PRTG: variants seen among roughly 807,000 people sequenced by gnomAD.
The protein encoded by PRTG is protogenin.
Under a neutral mutation model 122.5 loss-of-function variants are expected in PRTG, and 67 were observed. The observed-to-expected ratio is 0.55, with a 90% CI of 0.45 to 0.67. The LOEUF (loss-of-function observed/expected upper bound fraction) is 0.67. Ranked by LOEUF, PRTG falls within the 30% of genes least tolerant of loss-of-function variation. PRTG has a pLI of 0.00. For missense variants in PRTG, 1,435 were observed against 1,415.4 expected (o/e 1.01, Z -0.22); for synonymous variants, 554 against 501.1 (o/e 1.11, Z -1.41).
intron 15 of PRTG, among the ~76,000 whole-genome samples, chr15:55,634,131 T>G (rs1438654871): frequency 6.8e-6 from 1 of 147,374 alleles, no homozygotes; most frequent in African/African-American, 2.5e-5. Flanking sequence ...GCAATGGCAT[T>G]ATCTCGGTTC....
rs530446704 is a variant in PRTG at position 55,729,232 on chromosome 15, C to G, written c.397+11150G>C. 3.9e-5 allele frequency among the ~76,000 whole-genome samples: 6 copies of G among 152,160 alleles called. 1 individual carries two copies. Among genetic ancestry groups the G allele is most frequent in the Admixed American group, 1.3e-4 (2 of 15,272 alleles). ...TGATACACGCCACAACGTGGATAAA[C>G]CTTGAAAACATGCTAAGTGTAGGAA... On this transcript the variant is annotated intron_variant, in intron 2 of 19. Transcript: ENST00000389286.
At chr15:55,675,999 G>A (rs1374425333) in intron 8 of PRTG, among the ~76,000 whole-genome samples, 2 of 152,086 alleles carry the variant, frequency 1.3e-5, no homozygotes, top group African/African-American at 2.4e-5. Context: ...TAACACAACA[G>A]AATATTGTAA....
intron 11 of PRTG, among the ~76,000 whole-genome samples, chr15:55,644,648 A>G (rs113153105): frequency 2.0e-5 from 3 of 152,198 alleles, no homozygotes; most frequent in African/African-American, 7.2e-5. Flanking sequence ...AAGCCCCATG[A>G]AAGGAAGAGC....
intron 2 of PRTG, among the ~76,000 whole-genome samples, chr15:55,717,217 T>C (rs2030632881): frequency 6.6e-6 from 1 of 152,150 alleles, no homozygotes; most frequent in Non-Finnish European, 1.5e-5. Flanking sequence ...TAACTAAAAA[T>C]ATAAATGAAA....
Position 55,712,173 on chromosome 15 carries a change from AG to A in PRTG, c.397+28208del, listed in dbSNP as rs2030412669. Among the ~76,000 whole-genome samples, 10 of 152,368 alleles carry A rather than the reference AG, an allele frequency of 6.6e-5. No individual in the cohort carries two copies. The South Asian group carries it at 2.1e-3, about 32-fold the overall frequency. Reference sequence around the variant, plus strand: ...TTAAATAAAGTGAATAAGCTCACATAGAATCTTTTCTTCCTACACTGATAAG... The same window carrying A: ...TTAAATAAAGTGAATAAGCTCACATAAATCTTTTCTTCCTACACTGATAAG... On this transcript the variant is annotated intron_variant, in intron 2 of 19. Coordinates refer to ENST00000389286, the MANE Select transcript of PRTG (RefSeq NM_173814.6).
intron 11 of PRTG, among the ~76,000 whole-genome samples, chr15:55,663,113 C>G (rs1249299291): frequency 1.3e-5 from 2 of 152,302 alleles, no homozygotes; most frequent in East Asian, 3.9e-4. Flanking sequence ...ATTTCTTCCT[C>G]TCCTTAATCA....
chr15:55,628,386 GAA>G (rs35201571), intron 16 of PRTG, among the ~76,000 whole-genome samples: 12,982 of 142,656 alleles, frequency 0.091, 659 homozygotes, highest in Non-Finnish European at 0.12. Context: ...GACAGAGAGG[GAA>G]AAAAAAAAAA....
chr15:55,623,263 C>G (rs1275866478), intron 18 of PRTG, among the ~76,000 whole-genome samples: 1 of 151,826 alleles, frequency 6.6e-6, no homozygotes, highest in Non-Finnish European at 1.5e-5. Flanking sequence ...TTTTTGTAAA[C>G]AACCTTTAAA....
chr15:55,716,162 G>A (rs1595672837), intron 2 of PRTG, among the ~76,000 whole-genome samples: 2 of 152,188 alleles, frequency 1.3e-5, no homozygotes, highest in South Asian at 2.1e-4. Flanking sequence ...GAACCCTAGA[G>A]GCGGAAGTTG....
chr15:55,689,392 C>A (rs1464822980), intron 2 of PRTG, among the ~76,000 whole-genome samples: 1 of 152,100 alleles, frequency 6.6e-6, no homozygotes, highest in Non-Finnish European at 1.5e-5. Context: ...GAAAAAAAAT[C>A]TTCCTTTATG....
chr15:55,620,816 T>G, intron 18 of PRTG, 49 bp from the exon 19 acceptor site: 1 of 1,491,798 alleles, frequency 6.7e-7, no homozygotes, highest in Non-Finnish European at 9.1e-7. Context: ...TATCACAGAT[T>G]TCACTTTATC....
intron 11 of PRTG, 91 bp from the exon 12 acceptor site, chr15:55,641,299 A>C (rs2059289195): frequency 1.2e-6 from 1 of 847,656 alleles, no homozygotes; most frequent in Admixed American, 2.6e-5. Flanking sequence ...TTGGTTTAAA[A>C]ACCTGCTGAA....
chr15:55,679,732 A>C lies in PRTG; in HGVS notation c.974-287T>G, dbSNP rs185509011. ...ACAATATATAGCCACATGCGAATGC[A>C]GTGCAAGTGGCAATAATCAAGAGAT... is the stretch of plus-strand genomic sequence containing the variant. On this transcript the variant is annotated intron_variant, in intron 6 of 19. Coordinates refer to ENST00000389286, the MANE Select transcript of PRTG (RefSeq NM_173814.6). 65 of 421,400 alleles carry C rather than the reference A, an allele frequency of 1.5e-4. 1 individual carries two copies. Among genetic ancestry groups the C allele is most frequent in the African/African-American group, 1.2e-3 (60 of 50,290 alleles). The allele number at this position is 421,400 out of a possible 1,614,324, so 26.1% of individuals were successfully genotyped here.
intron 11 of PRTG, among the ~76,000 whole-genome samples, chr15:55,657,113 C>A (rs1315314804): frequency 6.6e-6 from 1 of 152,098 alleles, no homozygotes; most frequent in Non-Finnish European, 1.5e-5. Flanking sequence ...CACAATTGAG[C>A]CCTCTTGGGA....
chr15:55,679,312 C>A lies in PRTG; in HGVS notation c.1107G>T (p.Ser369=), dbSNP rs752934567. ...TGTTGTACATTTTAATTCTACCATT[C>A]GAATGTATCTTCCTTCCATTTTTCA... ...SWLKNGRKIH[S]NGRIKMYNSK... is the part of the protein sequence containing the mutation. The change falls in exon 7 of 20, where the codon TCG becomes TCT. Residue 369 remains serine, a synonymous_variant. Transcript: ENST00000389286. The A allele has an allele frequency of 1.9e-6, 3 of 1,612,224 alleles. No individual in the cohort carries two copies. In the South Asian group the frequency reaches 3.3e-5, roughly 18 times the overall value.
chr15:55,711,032 G>C (rs1209018186), intron 2 of PRTG, among the ~76,000 whole-genome samples: 1 of 151,270 alleles, frequency 6.6e-6, no homozygotes, highest in African/African-American at 2.4e-5. Context: ...TCAGCTTCAC[G>C]AGTAGCTGGG....
chr15:55,718,591 C>T (rs191875390), intron 2 of PRTG, among the ~76,000 whole-genome samples: 1 of 150,532 alleles, frequency 6.6e-6, no homozygotes, highest in East Asian at 1.9e-4. Flanking sequence ...CCTGCACCCA[C>T]GTGAAATAAA....
intron 18 of PRTG, among the ~76,000 whole-genome samples, chr15:55,623,088 G>C (rs969387921): frequency 1.9e-4 from 29 of 152,096 alleles, no homozygotes; most frequent in African/African-American, 6.5e-4. Context: ...AAAACTGCCT[G>C]AAATTTTGTT....
At chr15:55,721,337 A>G (rs1380971380) in intron 2 of PRTG, among the ~76,000 whole-genome samples, 3 of 152,144 alleles carry the variant, frequency 2.0e-5, no homozygotes, top group Admixed American at 6.5e-5. Context: ...CACAAATCTG[A>G]TGAAGCCAAT....
Sources: allele counts gnomAD v4.1 joint callset (sites outside exome capture counted in the v4.1 genomes callset), GRCh38; gene constraint gnomAD v4.1.1; transcripts MANE v1.5; gene names NCBI Gene and HGNC (gene_info 2026-07-23, HGNC 2026-07-21).